FMNL2: variants seen among roughly 807,000 people sequenced by gnomAD.
The protein encoded by FMNL2 is formin like 2.
In FMNL2, 51 loss-of-function variants were observed where a neutral mutation model predicts 130.2. That is an observed-to-expected ratio of 0.39 (90% CI 0.31 to 0.49). The LOEUF is 0.49. FMNL2 is among the 20% of genes least tolerant of loss of function. The pLI is 0.85. For synonymous variants in FMNL2, 465 were observed against 467.1 expected (o/e 1.00, Z 0.06); for missense variants, 977 against 1,316.2 (o/e 0.74, Z 3.99).
intron 1 of FMNL2, among the ~76,000 whole-genome samples, chr2:152,362,131 C>A (rs1185738651): frequency 6.6e-6 from 1 of 152,044 alleles, no homozygotes; most frequent in Admixed American, 6.6e-5. Flanking sequence ...ACTTTCATAT[C>A]TTTAATTAGA....
intron 4 of FMNL2, among the ~76,000 whole-genome samples, chr2:152,553,114 G>A (rs1335273390): frequency 6.6e-6 from 1 of 152,172 alleles, no homozygotes; most frequent in African/African-American, 2.4e-5. Flanking sequence ...CTGCTTAGTT[G>A]ATGTCTTCTC....
intron 1 of FMNL2, among the ~76,000 whole-genome samples, chr2:152,423,894 C>A (rs1687041872): frequency 6.6e-6 from 1 of 152,072 alleles, no homozygotes; most frequent in African/African-American, 2.4e-5. Context: ...ATCCTTAGCC[C>A]ACCTCCTTCC....
chr2:152,378,227 G>A (rs946892454), intron 1 of FMNL2, among the ~76,000 whole-genome samples: 12 of 152,080 alleles, frequency 7.9e-5, no homozygotes, highest in African/African-American at 1.7e-4. Flanking sequence ...GCTTTGAGGT[G>A]AAAGTTTATA....
chr2:152,460,952 T>G (rs1291409563), intron 1 of FMNL2, among the ~76,000 whole-genome samples: 1 of 152,194 alleles, frequency 6.6e-6, no homozygotes, highest in Non-Finnish European at 1.5e-5. Flanking sequence ...ATGAATGTAA[T>G]GTACTTGAAT....
At chr2:152,548,826 G>GT (rs1694787975) in intron 3 of FMNL2, among the ~76,000 whole-genome samples, 195 bp from the exon 4 acceptor site, 1 of 152,052 alleles carries the variant, frequency 6.6e-6, no homozygotes, top group South Asian at 2.1e-4. Context: ...CATAAAACAA[G>GT]GACTTTTTGT....
intron 1 of FMNL2, among the ~76,000 whole-genome samples, chr2:152,350,915 C>G (rs113023664): frequency 6.6e-6 from 1 of 151,922 alleles, no homozygotes; most frequent in Admixed American, 6.6e-5. Context: ...TATGGTGGCG[C>G]GCACTTGTAG....
At chr2:152,612,719 G>A (rs1204364675) in intron 11 of FMNL2, among the ~76,000 whole-genome samples, 1 of 152,128 alleles carries the variant, frequency 6.6e-6, no homozygotes, top group African/African-American at 2.4e-5. Context: ...GGGTTCAAGC[G>A]ATTCTCATGC....
intron 9 of FMNL2, among the ~76,000 whole-genome samples, chr2:152,583,816 GTGAAACTGC>G (rs1696919799): frequency 6.6e-6 from 1 of 152,150 alleles, no homozygotes; most frequent in East Asian, 1.9e-4. Flanking sequence ...GCTTAGTCAT[GTGAAACTGC>G]TGCCTAGAAT....
At chr2:152,338,314 ACAT>A (rs2105714652) in intron 1 of FMNL2, among the ~76,000 whole-genome samples, 1 of 152,352 alleles carries the variant, frequency 6.6e-6, no homozygotes, top group South Asian at 2.1e-4. Context: ...AGTATGGCTA[ACAT>A]CAATAATTAA....
chr2:152,481,121 T>C (rs1319884020), intron 1 of FMNL2, among the ~76,000 whole-genome samples: 2 of 152,242 alleles, frequency 1.3e-5, no homozygotes, highest in Admixed American at 1.3e-4. Context: ...ATGGACTCTT[T>C]TATGGCTCTC....
At chr2:152,346,314 T>C (rs1682119855) in intron 1 of FMNL2, among the ~76,000 whole-genome samples, 1 of 152,082 alleles carries the variant, frequency 6.6e-6, no homozygotes, top group South Asian at 2.1e-4. Flanking sequence ...TGTGAGCCAC[T>C]GCACCTGGCC....
At chr2:152,456,974 C>A (rs1055770555) in intron 1 of FMNL2, among the ~76,000 whole-genome samples, 14 of 151,730 alleles carry the variant, frequency 9.2e-5, no homozygotes, top group African/African-American at 3.4e-4. Flanking sequence ...AAGGAATCCC[C>A]TTTGGGGGAG....
intron 1 of FMNL2, among the ~76,000 whole-genome samples, chr2:152,367,309 C>A (rs1032650063): frequency 1.3e-5 from 2 of 152,116 alleles, no homozygotes; most frequent in African/African-American, 2.4e-5. Flanking sequence ...CTCCTGACCT[C>A]AAGTGATCCG....
intron 1 of FMNL2, among the ~76,000 whole-genome samples, chr2:152,391,257 C>T (rs1224773917): frequency 2.6e-5 from 4 of 152,168 alleles, no homozygotes; most frequent in Non-Finnish European, 2.9e-5. Context: ...CAAAGGATGA[C>T]TTAGAGAATG....
intron 10 of FMNL2, among the ~76,000 whole-genome samples, chr2:152,610,202 T>C (rs1291292318): frequency 6.6e-6 from 1 of 152,260 alleles, no homozygotes; most frequent in Non-Finnish European, 1.5e-5. Context: ...GTGATTTAAA[T>C]GTTCTTCTTT....
intron 1 of FMNL2, among the ~76,000 whole-genome samples, chr2:152,490,331 G>T (rs3811574): frequency 0.61 from 92,035 of 151,766 alleles, 30,180 homozygotes; most frequent in East Asian, 0.97. Flanking sequence ...AAAATGCAGG[G>T]ATATGCTATT....
At chr2:152,575,570 T>A (rs1696431356) in intron 7 of FMNL2, among the ~76,000 whole-genome samples, 1 of 152,206 alleles carries the variant, frequency 6.6e-6, no homozygotes, top group Non-Finnish European at 1.5e-5. Flanking sequence ...TCATCCTAAT[T>A]CTCAAGGTTT....
chr2:152,586,643 G>C (rs1697091568), intron 9 of FMNL2, among the ~76,000 whole-genome samples: 1 of 152,180 alleles, frequency 6.6e-6, no homozygotes, highest in Non-Finnish European at 1.5e-5. Context: ...GTCTCAAACT[G>C]TAGGAGCCAC....
intron 1 of FMNL2, among the ~76,000 whole-genome samples, chr2:152,422,250 G>A (rs1232175304): frequency 6.6e-6 from 1 of 152,130 alleles, no homozygotes; most frequent in African/African-American, 2.4e-5. Context: ...AGCCTCCTAG[G>A]GATTCCCTCG....
Sources: gnomAD v4.1 joint callset for allele counts (sites outside exome capture counted in the v4.1 genomes callset) on GRCh38, gnomAD v4.1.1 for gene constraint, MANE v1.5 for transcripts, NCBI Gene and HGNC (gene_info 2026-07-23, HGNC 2026-07-21) for gene names.